Variants in ZNF438 observed in about 807,000 individuals in gnomAD.
ZNF438 encodes the protein zinc finger protein 438.
In ZNF438, 25 loss-of-function variants were observed where a neutral mutation model predicts 38.0. That is an observed-to-expected ratio of 0.66 (90% CI 0.48 to 0.92). The LOEUF (loss-of-function observed/expected upper bound fraction) is 0.92. Among genes scored for constraint, ZNF438 ranks in the 40% least tolerant of loss-of-function variants. The pLI, the probability that ZNF438 is intolerant of heterozygous loss-of-function variation, is 0.00. For synonymous variants in ZNF438, 372 were observed against 364.1 expected (o/e 1.02, Z -0.25); for missense variants, 1,007 against 999.6 (o/e 1.01, Z -0.10).
chr10:30,957,776 G>A (rs187832117), intron 1 of ZNF438, among the ~76,000 whole-genome samples: 171 of 152,020 alleles, frequency 1.1e-3, no homozygotes, highest in African/African-American at 4.0e-3. Flanking sequence ...GATATTTTGA[G>A]GAGAATTGAC....
Position 30,845,185 on chromosome 10 carries a change from C to A in ZNF438, c.2263G>T (p.Glu755Ter), listed in dbSNP as rs763325361. ...GGACACTCAGGGCCCTGGCAGGTTT[C>A]CCTTGGCTTGTTGGTTCCTGACTGG... The change falls in exon 6 of 6, where the codon GAA becomes TAA. Residue 755 changes from glutamate to a stop codon, truncating the protein, a stop_gained. Coordinates refer to ENST00000413025, the Ensembl canonical transcript of ZNF438. LOFTEE classifies it low-confidence loss of function (END_TRUNC). The A allele has an allele frequency of 6.2e-7, 1 of 1,614,058 alleles. No homozygotes were observed. Among genetic ancestry groups the A allele is most frequent in the Non-Finnish European group, 8.5e-7 (1 of 1,180,052 alleles).
exon 5 of ZNF438, chr10:30,849,549 A>C (rs1022147986): frequency 6.2e-7 from 1 of 1,614,134 alleles, no homozygotes; most frequent in African/African-American, 1.3e-5. Flanking sequence ...TTGGGGACTG[A>C]AGAGATCAAC....
rs541640361 is a variant in ZNF438, at chr10:31,017,478, G to C, written c.-192+14355C>G. 6.7e-4 allele frequency among the ~76,000 whole-genome samples: 102 copies of C among 152,296 alleles called. 1 individual carries two copies. The highest frequency in any genetic ancestry group is 2.3e-3 in the African/African-American group (96 of 41,540). On this transcript the variant is annotated intron_variant, in intron 1 of 5. Transcript: ENST00000413025. ...GAGGCTTTTGCAAGCCAAACTTATG[G>C]GATCTTTGGCAACATAATCTCCTAA...
intron 1 of ZNF438, among the ~76,000 whole-genome samples, chr10:30,963,413 A>G (rs919871814): frequency 2.1e-5 from 3 of 142,470 alleles, no homozygotes; most frequent in Non-Finnish European, 4.6e-5. Flanking sequence ...AAAAAAAAAA[A>G]GAAACTTTAA....
At chr10:31,016,482 G>T (rs1439208811) in intron 1 of ZNF438, among the ~76,000 whole-genome samples, 1 of 152,096 alleles carries the variant, frequency 6.6e-6, no homozygotes, top group East Asian at 1.9e-4. Context: ...GATAAAAAAA[G>T]AATTTATTTC....
chr10:30,945,051 T>C (rs1010983961), intron 1 of ZNF438, among the ~76,000 whole-genome samples: 1 of 152,018 alleles, frequency 6.6e-6, no homozygotes, highest in Non-Finnish European at 1.5e-5. Context: ...TCCAGATTTT[T>C]TTTTTTTTTA....
chr10:30,906,138 G>C (rs924474290), intron 3 of ZNF438, among the ~76,000 whole-genome samples: 19 of 152,258 alleles, frequency 1.2e-4, no homozygotes, highest in Admixed American at 1.0e-3. Context: ...ATTGAAACTA[G>C]AACAATTTGG....
intron 1 of ZNF438, among the ~76,000 whole-genome samples, chr10:31,022,868 C>G (rs1259172781): frequency 6.6e-6 from 1 of 152,084 alleles, no homozygotes; most frequent in Non-Finnish European, 1.5e-5. Context: ...TTTTGGAAAG[C>G]AGAAAATGCT....
intron 4 of ZNF438, among the ~76,000 whole-genome samples, chr10:30,869,249 C>T (rs2036980077): frequency 1.3e-5 from 2 of 152,158 alleles, no homozygotes; most frequent in African/African-American, 4.8e-5. Context: ...TGGTGCGTGC[C>T]TGTGATCCCA....
intron 3 of ZNF438, among the ~76,000 whole-genome samples, chr10:30,891,218 T>C (rs1341625670): frequency 6.6e-6 from 1 of 152,232 alleles, no homozygotes; most frequent in Non-Finnish European, 1.5e-5. Flanking sequence ...TTTACTTTGC[T>C]CTGCTCTCTT....
At chr10:30,930,829 A>AAAAAAGC (rs2045594020) in intron 2 of ZNF438, among the ~76,000 whole-genome samples, 1 of 117,204 alleles carries the variant, frequency 8.5e-6, no homozygotes, top group African/African-American at 3.2e-5. Flanking sequence ...AAAAAAAAAA[A>AAAAAAGC]AAAAAGCAAA....
chr10:30,972,604 G>A (rs2050868646), intron 1 of ZNF438, among the ~76,000 whole-genome samples: 1 of 152,144 alleles, frequency 6.6e-6, no homozygotes, highest in Non-Finnish European at 1.5e-5. Flanking sequence ...TAAGCCACAT[G>A]CACCATGGGC....
intron 1 of ZNF438, among the ~76,000 whole-genome samples, chr10:30,981,532 T>C (rs1038819848): frequency 4.6e-5 from 7 of 152,100 alleles, no homozygotes; most frequent in African/African-American, 1.2e-4. Flanking sequence ...GCCTATCTCA[T>C]AGGTAATTAT....
intron 2 of ZNF438, among the ~76,000 whole-genome samples, chr10:30,938,628 C>T (rs1324781256): frequency 6.6e-6 from 1 of 152,200 alleles, no homozygotes; most frequent in Non-Finnish European, 1.5e-5. Flanking sequence ...AGTATCCTTA[C>T]AACCATGGGG....
chr10:30,934,102 C>T (rs1165045897), intron 2 of ZNF438, among the ~76,000 whole-genome samples: 4 of 150,836 alleles, frequency 2.7e-5, no homozygotes, highest in Non-Finnish European at 2.9e-5. Flanking sequence ...GCCGAGATCG[C>T]GCCACTATAC....
At chr10:31,003,944 C>T (rs1328923056) in intron 1 of ZNF438, among the ~76,000 whole-genome samples, 2 of 152,080 alleles carry the variant, frequency 1.3e-5, no homozygotes, top group Non-Finnish European at 2.9e-5. Context: ...AAACAAGAGT[C>T]CATTTTGGTC....
chr10:30,931,206 G>C (rs565648068), intron 2 of ZNF438, among the ~76,000 whole-genome samples: 1 of 152,324 alleles, frequency 6.6e-6, no homozygotes, highest in Admixed American at 6.5e-5. Flanking sequence ...CAACCATCTT[G>C]AGCTGCTAGT....
exon 6 of ZNF438, chr10:30,845,347 A>G (rs1156841899): frequency 4.3e-6 from 7 of 1,614,034 alleles, no homozygotes; most frequent in Non-Finnish European, 5.9e-6. Flanking sequence ...TGCCTTTTCC[A>G]GTCGGGGCTA....
At chr10:30,976,218 A>G (rs2051327596) in intron 1 of ZNF438, among the ~76,000 whole-genome samples, 1 of 152,244 alleles carries the variant, frequency 6.6e-6, no homozygotes, top group Non-Finnish European at 1.5e-5. Context: ...AAAGATCAAT[A>G]AAACCAATCA....
Sources: gnomAD v4.1 joint callset for allele counts (sites outside exome capture counted in the v4.1 genomes callset) on GRCh38, gnomAD v4.1.1 for gene constraint, MANE v1.5 for transcripts, NCBI Gene and HGNC (gene_info 2026-07-23, HGNC 2026-07-21) for gene names.